Variants in SLC66A2 observed in about 807,000 individuals in gnomAD.
SLC66A2 encodes solute carrier family 66 member 2, also known as PQ loop repeat containing 1.
A neutral mutation model predicts 25.5 loss-of-function variants in SLC66A2; 23 were observed. The ratio of observed to expected loss-of-function variants is 0.90; its 90% CI spans 0.65 to 1.28. The LOEUF (loss-of-function observed/expected upper bound fraction) is 1.28. SLC66A2 is among the 50% of genes most tolerant of loss of function. The probability of loss-of-function intolerance (pLI) is 0.00; values close to 1 mark genes in which losing one functional copy is unlikely to be tolerated. For missense variants in SLC66A2, 396 were observed against 373.1 expected (o/e 1.06, Z -0.51); for synonymous variants, 193 against 166.5 (o/e 1.16, Z -1.23).
At chr18:79,916,758 G>A (rs563986967) in intron 5 of SLC66A2, among the ~76,000 whole-genome samples, 19 of 152,350 alleles carry the variant, frequency 1.2e-4, no homozygotes, top group African/African-American at 3.4e-4. Context: ...CCCCTCACTC[G>A]GCGGTTTATG....
rs562094740 is a variant in SLC66A2 at position 79,927,817 on chromosome 18, G to A, written c.391+6152C>T. Among the ~76,000 whole-genome samples the A allele has an allele frequency of 7.9e-5, 12 of 152,286 alleles. No homozygotes were observed. Among genetic ancestry groups the A allele is most frequent in the East Asian group, 3.9e-4 (2 of 5,164 alleles). ...AAATCAAGCAACTGCCGAGACAGGT[G>A]TCCGCGTCCCAACCCAAGGCTGCCC... On this transcript the variant is annotated intron_variant, in intron 4 of 5. Transcript: ENST00000397778. This position sits in a 1 kb window ranked among gnomAD's most constrained non-coding sequence, Gnocchi z 6.2.
At chr18:79,933,759 C>T (rs1247936181) in intron 4 of SLC66A2, among the ~76,000 whole-genome samples, 1 of 152,184 alleles carries the variant, frequency 6.6e-6, no homozygotes, top group Non-Finnish European at 1.5e-5. Context: ...CATCTCCCCA[C>T]ACACAGAAGA....
At chr18:79,909,765 C>T (rs1568292683) in intron 5 of SLC66A2, among the ~76,000 whole-genome samples, 1 of 142,740 alleles carries the variant, frequency 7.0e-6, no homozygotes, top group Non-Finnish European at 1.5e-5. Flanking sequence ...CAACCTTCCC[C>T]ACATCCTCAC....
intron 5 of SLC66A2, among the ~76,000 whole-genome samples, chr18:79,909,746 C>CAT (rs1438539768): frequency 1.5e-5 from 2 of 136,276 alleles, no homozygotes; most frequent in Non-Finnish European, 3.2e-5. Context: ...ACCACCTCAC[C>CAT]AGAGTCCCCA....
chr18:79,923,176 G>C, intron 4 of SLC66A2, among the ~76,000 whole-genome samples: 1 of 147,572 alleles, frequency 6.8e-6, no homozygotes. Context: ...GCAGTGAGGG[G>C]GGCTGAGCAG....
At chr18:79,934,552 C>T (rs1275978583) in intron 3 of SLC66A2, among the ~76,000 whole-genome samples, 1 of 152,210 alleles carries the variant, frequency 6.6e-6, no homozygotes, top group East Asian at 1.9e-4. Context: ...TCTGCACAGA[C>T]ACAGACACAG....
chr18:79,904,110 G>A lies in SLC66A2; in HGVS notation c.682C>T (p.Leu228=). The A allele has an allele frequency of 6.2e-7, 1 of 1,613,008 alleles. No individual in the cohort carries two copies. The highest frequency in any genetic ancestry group is 8.5e-7 in the Non-Finnish European group (1 of 1,179,818). ...TAYFLLKGAP[L]QFSVCGLLQV... ...AGCAGGCCGCACACGGAGAACTGCA[G>A]AGGGGCACCCTTCAGCAGGAAGTAG... The change falls in exon 6 of 6, where the codon CTG becomes TTG. Residue 228 remains leucine (L), a synonymous_variant. Transcript: ENST00000397778. This position sits in a 1 kb window ranked among gnomAD's most constrained non-coding sequence, Gnocchi z 6.3.
chr18:79,908,289 G>T (rs778602131), intron 5 of SLC66A2, among the ~76,000 whole-genome samples: 1 of 151,378 alleles, frequency 6.6e-6, no homozygotes, highest in Non-Finnish European at 1.5e-5. Context: ...ATTCGAGAAG[G>T]TCTTTATTTT....
At position 79,917,473 on chromosome 18, in the gene SLC66A2, G is replaced by A. The variant is rs535255966; in HGVS notation, c.608+1711C>T. ...TGGAGGGCACAGGCCTGGCACCCAG[G>A]CACCTCCCACAGATCTCCAGGTCGC... On this transcript the variant is annotated intron_variant, in intron 5 of 5. Coordinates refer to ENST00000397778, the MANE Select transcript of SLC66A2 (RefSeq NM_025078.5). The surrounding 1 kb of genome is among the most constrained non-coding windows in gnomAD (Gnocchi z 6.0). 3.3e-5 allele frequency among the ~76,000 whole-genome samples: 5 copies of A among 152,264 alleles called. No individual in the cohort carries two copies. The South Asian group carries it at 1.0e-3, about 32-fold the overall frequency.
Position 79,940,977 on chromosome 18 carries a change from C to T in SLC66A2, c.337+2352G>A, listed in dbSNP as rs995791252. 4.6e-5 allele frequency among the ~76,000 whole-genome samples: 7 copies of T among 152,082 alleles called. No individual in the cohort carries two copies. The highest frequency in any genetic ancestry group is 7.4e-5 in the Non-Finnish European group (5 of 68,006). On this transcript the variant is annotated intron_variant, in intron 3 of 5. Transcript: ENST00000397778. This position sits in a 1 kb window ranked among gnomAD's most constrained non-coding sequence, Gnocchi z 4.1. ...GTCACCCAGGCTGACCCCAGGAGCC[C>T]GGCCCCCTACCCCTCGTGGCGGCCC...
rs139786849 is a variant in SLC66A2, at chr18:79,948,807, A to G, written c.203+1917T>C. ...AAGACGAGTGCAGCGCTCCTTCACA[A>G]CACACACGTGAGCTGGGGCTGTAGC... is the stretch of plus-strand genomic sequence containing the variant. On this transcript the variant is annotated intron_variant, in intron 2 of 5. Coordinates refer to ENST00000397778, the MANE Select transcript of SLC66A2 (RefSeq NM_025078.5). Among the ~76,000 whole-genome samples the G allele has an allele frequency of 4.2e-3, 638 of 152,310 alleles. 9 individuals carry two copies. Among genetic ancestry groups the G allele is most frequent in the African/African-American group, 0.015 (607 of 41,556 alleles).
At position 79,904,044 on chromosome 18, in the gene SLC66A2, C is replaced by T. The variant is rs1298948658; in HGVS notation, c.748G>A (p.Ala250Thr). The change falls in exon 6 of 6, where the codon GCC becomes ACC. Residue 250 changes from alanine to threonine, a missense_variant. Physicochemically the swap from Ala to Thr is moderately conservative, Grantham distance 58 (BLOSUM62 0). Transcript: ENST00000397778. The surrounding 1 kb of genome is among the most constrained non-coding windows in gnomAD (Gnocchi z 6.3). ...GGCTTCTGGGGGTGGCGGGCGAAGGCGTAGGCCTGCCCCAGGATGGCCAGG... is the reference window on the plus strand; with the variant it reads ...GGCTTCTGGGGGTGGCGGGCGAAGGTGTAGGCCTGCCCCAGGATGGCCAGG... Reference protein sequence around the residue: ...VDLAILGQAYAFARHPQKPAP... With the variant: ...VDLAILGQAYTFARHPQKPAP... 7 of 1,609,450 alleles carry T rather than the reference C, an allele frequency of 4.3e-6. No homozygotes were observed. The highest frequency in any genetic ancestry group is 3.4e-5 in the Admixed American group (2 of 59,602).
chr18:79,918,916 G>A lies in SLC66A2; in HGVS notation c.608+268C>T, dbSNP rs766420678. ...AGGCACTCGGACATCCCTCCCACTG[G>A]AAGGTTCCGTCTCAACGGCCCTGAA... On this transcript the variant is annotated intron_variant, in intron 5 of 5. Coordinates refer to ENST00000397778, the MANE Select transcript of SLC66A2 (RefSeq NM_025078.5). This position sits in a 1 kb window ranked among gnomAD's most constrained non-coding sequence, Gnocchi z 4.0. 9.2e-5 allele frequency among the ~76,000 whole-genome samples: 14 copies of A among 152,202 alleles called. No homozygotes were observed. The highest frequency in any genetic ancestry group is 1.8e-4 in the Non-Finnish European group (12 of 68,036).
chr18:79,946,749 C>T (rs1487281661), intron 2 of SLC66A2, among the ~76,000 whole-genome samples: 2 of 152,134 alleles, frequency 1.3e-5, no homozygotes, highest in African/African-American at 4.8e-5. Context: ...AGGTGGATCA[C>T]GAGGTCAGGA....
Position 79,918,188 on chromosome 18 carries a change from A to T in SLC66A2, c.608+996T>A, listed in dbSNP as rs982119849. On this transcript the variant is annotated intron_variant, in intron 5 of 5. Transcript: ENST00000397778. This position sits in a 1 kb window ranked among gnomAD's most constrained non-coding sequence, Gnocchi z 4.0. ...CTGCAAATACTCAGAGGTCTCTGAAAGCCCTCAAGAGAGTGCTGTGGCCCC... is the reference window on the plus strand; with the variant it reads ...CTGCAAATACTCAGAGGTCTCTGAATGCCCTCAAGAGAGTGCTGTGGCCCC... 2.6e-5 allele frequency among the ~76,000 whole-genome samples: 4 copies of T among 152,162 alleles called. No individual in the cohort carries two copies. Among genetic ancestry groups the T allele is most frequent in the Non-Finnish European group, 1.5e-5 (1 of 68,016 alleles).
At chr18:79,913,032 G>C (rs1009110528) in intron 5 of SLC66A2, among the ~76,000 whole-genome samples, 1 of 152,224 alleles carries the variant, frequency 6.6e-6, no homozygotes, top group African/African-American at 2.4e-5. Flanking sequence ...GTTTGGGTAA[G>C]AGCTCGGCTT....
At chr18:79,935,573 G>A (rs1204111323) in intron 3 of SLC66A2, 1 of 152,210 alleles carries the variant, frequency 6.6e-6, no homozygotes, top group African/African-American at 2.4e-5. Context: ...GTGGGCTTGT[G>A]ACCACTCCAG....
intron 4 of SLC66A2, among the ~76,000 whole-genome samples, chr18:79,923,155 G>A (rs895591925): frequency 2.7e-5 from 4 of 148,982 alleles, no homozygotes; most frequent in African/African-American, 9.9e-5. Flanking sequence ...ATTTCATGAA[G>A]AAGCCCGGCT....
At position 79,940,051 on chromosome 18, in the gene SLC66A2, T is replaced by TA. The variant is rs1987512970; in HGVS notation, c.337+3277dup. ...TACACCACGGAACACTATGCAGCCA[T>TA]AAAAGAGAACAAGATCGTATCCTTT... On this transcript the variant is annotated intron_variant, in intron 3 of 5. Coordinates refer to ENST00000397778, the MANE Select transcript of SLC66A2 (RefSeq NM_025078.5). This position sits in a 1 kb window ranked among gnomAD's most constrained non-coding sequence, Gnocchi z 4.1. Among the ~76,000 whole-genome samples, 1 of 152,194 alleles carries TA rather than the reference T, an allele frequency of 6.6e-6. No individual in the cohort carries two copies. Among genetic ancestry groups the TA allele is most frequent in the African/African-American group, 2.4e-5 (1 of 41,438 alleles).
Sources: allele counts gnomAD v4.1 joint callset (sites outside exome capture counted in the v4.1 genomes callset), GRCh38; gene constraint gnomAD v4.1.1; non-coding constraint Gnocchi (gnomAD v3.1); transcripts MANE v1.5; gene names NCBI Gene and HGNC (gene_info 2026-07-23, HGNC 2026-07-21).